Variants in RAB3C observed in about 807,000 individuals in gnomAD.
The protein encoded by RAB3C is RAB3C, member RAS oncogene family, also known as ras-related protein Rab-3C.
Under a neutral mutation model 26.4 loss-of-function variants are expected in RAB3C, and 17 were observed. The ratio of observed to expected loss-of-function variants is 0.64; its 90% CI spans 0.44 to 0.97. The LOEUF is 0.97. RAB3C is among the 50% of genes least tolerant of loss of function. The pLI is 0.00. For missense variants in RAB3C, 242 were observed against 281.9 expected, an observed-to-expected ratio of 0.86 and a Z score of 1.01; for synonymous variants, 91 against 95.9, an observed-to-expected ratio of 0.95 and a Z score of 0.30.
intron 4 of RAB3C, among the ~76,000 whole-genome samples, chr5:58,845,612 ATGTGTGTGTGTGTGTGTG>A (rs1289870360): frequency 1.2e-3 from 97 of 81,578 alleles, no homozygotes; most frequent in African/African-American, 3.1e-3. Context: ...ATATATATAT[ATGTGTGTGTGTGTGTGTG>A]TATATGTATA....
At chr5:58,799,448 A>G (rs1023092334) in intron 3 of RAB3C, among the ~76,000 whole-genome samples, 3 of 152,178 alleles carry the variant, frequency 2.0e-5, no homozygotes, top group South Asian at 4.1e-4. Context: ...CAGCTAGTAC[A>G]TGCTAGAGCT....
chr5:58,664,435 C>T lies in RAB3C; in HGVS notation c.252+46565C>T, dbSNP rs200224412. 4.3e-3 allele frequency among the ~76,000 whole-genome samples: 659 copies of T among 152,130 alleles called. 1 individual carries two copies. Among genetic ancestry groups the T allele is most frequent in the Non-Finnish European group, 6.7e-3 (453 of 68,004 alleles). On this transcript the variant is annotated intron_variant, in intron 2 of 4. Coordinates refer to ENST00000282878, the MANE Select transcript of RAB3C (RefSeq NM_138453.4). ...TGAAATGGTAAAATTATAGAAATGGCGAACCATTTCAGAATAGCGGTTGCT... is the reference window on the plus strand; with the variant it reads ...TGAAATGGTAAAATTATAGAAATGGTGAACCATTTCAGAATAGCGGTTGCT...
intron 4 of RAB3C, among the ~76,000 whole-genome samples, chr5:58,828,602 C>T (rs1743540735): frequency 6.6e-6 from 1 of 152,234 alleles, no homozygotes; most frequent in Non-Finnish European, 1.5e-5. Context: ...GCGCCAACAT[C>T]CACCTGCCAG....
At chr5:58,645,716 T>C (rs1384129821) in intron 2 of RAB3C, among the ~76,000 whole-genome samples, 1 of 152,204 alleles carries the variant, frequency 6.6e-6, no homozygotes, top group Non-Finnish European at 1.5e-5. Context: ...AGGAATGCTT[T>C]CTGGAAAAAC....
chr5:58,819,518 A>G (rs1209437455), intron 3 of RAB3C, among the ~76,000 whole-genome samples: 1 of 152,202 alleles, frequency 6.6e-6, no homozygotes, highest in Non-Finnish European at 1.5e-5. Flanking sequence ...ACCTTCCTAC[A>G]TAAAAGAAAT....
At chr5:58,813,783 A>ATAGGCTCAAGGGGATACT (rs1262607001) in intron 3 of RAB3C, among the ~76,000 whole-genome samples, 1 of 69,856 alleles carries the variant, frequency 1.4e-5, no homozygotes, top group South Asian at 3.8e-4. Context: ...CAGTGAATGC[A>ATAGGCTCAAGGGGATACT]CACATACAGG....
chr5:58,668,035 G>T (rs1748036585), intron 2 of RAB3C, among the ~76,000 whole-genome samples: 1 of 152,122 alleles, frequency 6.6e-6, no homozygotes. Context: ...TGTAAACTAT[G>T]GAGAGAATCT....
At chr5:58,845,239 T>A (rs1035264496) in intron 4 of RAB3C, among the ~76,000 whole-genome samples, 2 of 152,096 alleles carry the variant, frequency 1.3e-5, no homozygotes, top group Admixed American at 6.6e-5. Flanking sequence ...GGCCTCAGCC[T>A]TCTCTGAGGC....
At chr5:58,733,533 C>A (rs878944539) in intron 3 of RAB3C, among the ~76,000 whole-genome samples, 1 of 152,162 alleles carries the variant, frequency 6.6e-6, no homozygotes, top group African/African-American at 2.4e-5. Context: ...AGGCAGCAAT[C>A]TAGTGGCTCC....
chr5:58,743,552 TC>T (rs796907172), intron 3 of RAB3C, among the ~76,000 whole-genome samples: 20 of 152,194 alleles, frequency 1.3e-4, no homozygotes, highest in African/African-American at 4.8e-4. Context: ...CCTAATGCTC[TC>T]CCTCCCCCTT....
rs550643687 is a variant in RAB3C, at chr5:58,733,613, G to T, written c.371+7493G>T. On this transcript the variant is annotated intron_variant, in intron 3 of 4. Coordinates refer to ENST00000282878, the MANE Select transcript of RAB3C (RefSeq NM_138453.4). ...TATTCTGTGTCTGGATCCCCCAGCA[G>T]GGTTTGATTTAAGAAATAAATTAAC... Among the ~76,000 whole-genome samples the T allele has an allele frequency of 2.6e-5, 4 of 152,262 alleles. No individual in the cohort carries two copies. In the East Asian group the frequency reaches 7.7e-4, roughly 29 times the overall value.
intron 3 of RAB3C, among the ~76,000 whole-genome samples, chr5:58,755,135 G>GT (rs1741628383): frequency 6.6e-6 from 1 of 152,202 alleles, no homozygotes; most frequent in Non-Finnish European, 1.5e-5. Flanking sequence ...GAAGAGGGCT[G>GT]TATTTCCAAG....
chr5:58,602,136 C>A (rs959687976), intron 1 of RAB3C, among the ~76,000 whole-genome samples: 2 of 152,012 alleles, frequency 1.3e-5, no homozygotes, highest in African/African-American at 4.8e-5. Flanking sequence ...GGTCATTTAA[C>A]TTCCATGTAT....
intron 3 of RAB3C, chr5:58,788,481 T>C (rs900230903): frequency 6.6e-6 from 1 of 152,244 alleles, no homozygotes; most frequent in Non-Finnish European, 1.5e-5. Flanking sequence ...TCAGTTTTAA[T>C]TTTGCCTGTC....
intron 1 of RAB3C, among the ~76,000 whole-genome samples, chr5:58,615,985 G>GACACAC (rs58004467): frequency 0.044 from 6,558 of 149,604 alleles, 204 homozygotes; most frequent in Admixed American, 0.054. Flanking sequence ...CACACACACA[G>GACACAC]ACACACACAC....
At chr5:58,692,284 A>T (rs1169310462) in intron 2 of RAB3C, among the ~76,000 whole-genome samples, 1 of 152,224 alleles carries the variant, frequency 6.6e-6, no homozygotes. Context: ...GCATTTGTTT[A>T]AAAAACACAA....
intron 3 of RAB3C, among the ~76,000 whole-genome samples, chr5:58,798,664 A>C (rs1742730903): frequency 6.6e-6 from 1 of 152,216 alleles, no homozygotes; most frequent in Admixed American, 6.5e-5. Flanking sequence ...TTGAGTATGA[A>C]ACGTAAATGA....
At chr5:58,591,262 G>A (rs79355644) in intron 1 of RAB3C, among the ~76,000 whole-genome samples, 78 of 152,070 alleles carry the variant, frequency 5.1e-4, no homozygotes, top group African/African-American at 1.8e-3. Context: ...GGCATTGTGT[G>A]GTGTTGCTAA....
intron 2 of RAB3C, among the ~76,000 whole-genome samples, chr5:58,673,286 G>T (rs1237239155): frequency 6.6e-6 from 1 of 152,084 alleles, no homozygotes; most frequent in Admixed American, 6.6e-5. Flanking sequence ...AGATATTACA[G>T]TAATTTCACT....
Sources: gnomAD v4.1 joint callset for allele counts (sites outside exome capture counted in the v4.1 genomes callset) on GRCh38, gnomAD v4.1.1 for gene constraint, MANE v1.5 for transcripts, NCBI Gene and HGNC (gene_info 2026-07-23, HGNC 2026-07-21) for gene names.